Variants in FCHO2 observed in about 807,000 individuals in gnomAD.
FCHO2 encodes F-BAR domain only protein 2.
FCHO2 carries 43 observed loss-of-function variants against 114.1 expected under a neutral mutation model. The ratio of observed to expected loss-of-function variants is 0.38; its 90% CI spans 0.30 to 0.49. FCHO2 has a LOEUF of 0.49. Among genes scored for constraint, FCHO2 ranks in the 20% least tolerant of loss-of-function variants. The pLI is 0.97. For missense variants in FCHO2, 807 were observed against 950.4 expected (o/e 0.85, Z 1.98); for synonymous variants, 293 against 315.2 (o/e 0.93, Z 0.75).
intron 15 of FCHO2, 126 bp downstream of exon 15, chr5:73,054,675 G>T: frequency 1.6e-6 from 1 of 629,902 alleles, no homozygotes. Flanking sequence ...TGCGTGGCTA[G>T]AAGGATAATT....
At chr5:72,992,517 C>T (rs953834852) in intron 5 of FCHO2, among the ~76,000 whole-genome samples, 2 of 152,086 alleles carry the variant, frequency 1.3e-5, no homozygotes, top group Admixed American at 6.5e-5. Context: ...TGGGATTTGG[C>T]TCTTACGTGG....
chr5:73,010,061 G>A (rs1447198818), intron 6 of FCHO2, among the ~76,000 whole-genome samples: 1 of 152,106 alleles, frequency 6.6e-6, no homozygotes, highest in Admixed American at 6.5e-5. Context: ...ATTTGGGTTA[G>A]TTTAGAAGGG....
At chr5:73,022,000 G>A (rs1263930633) in intron 8 of FCHO2, among the ~76,000 whole-genome samples, 1 of 152,138 alleles carries the variant, frequency 6.6e-6, no homozygotes, top group Non-Finnish European at 1.5e-5. Context: ...AATGTTCAGA[G>A]GTAATGTTGA....
intron 1 of FCHO2, among the ~76,000 whole-genome samples, chr5:72,964,824 T>G (rs1261992071): frequency 6.6e-6 from 1 of 152,178 alleles, no homozygotes; most frequent in Non-Finnish European, 1.5e-5. Flanking sequence ...TTTCCACAGT[T>G]TCAGATCTGA....
chr5:72,997,662 A>G, intron 5 of FCHO2: 1 of 1,516,426 alleles, frequency 6.6e-7, no homozygotes, highest in African/African-American at 1.4e-5. Flanking sequence ...CTCCCCCTTC[A>G]CCTGAGTTGG....
At chr5:73,084,595 G>GT (rs1743232682) in intron 24 of FCHO2, among the ~76,000 whole-genome samples, 1 of 152,054 alleles carries the variant, frequency 6.6e-6, no homozygotes, top group Admixed American at 6.6e-5. Flanking sequence ...TATTTGATAG[G>GT]TTTTTTGGCT....
At chr5:73,036,334 T>C (rs1756506911) in intron 9 of FCHO2, among the ~76,000 whole-genome samples, 1 of 152,114 alleles carries the variant, frequency 6.6e-6, no homozygotes, top group African/African-American at 2.4e-5. Context: ...TATTGTAAAC[T>C]TACTTCTTTT....
intron 15 of FCHO2, among the ~76,000 whole-genome samples, chr5:73,055,862 T>C (rs374875920): frequency 1.3e-5 from 2 of 152,142 alleles, no homozygotes; most frequent in East Asian, 1.9e-4. Context: ...ACTAAAGATA[T>C]TAGAAGGAAC....
rs376488767 is a variant in FCHO2, at chr5:73,044,120, C to T, written c.939+2805C>T. The stretch of plus-strand genomic sequence containing the variant: ...GCCATGTAAGATATGCTTCCTTCCT[C>T]TTTGCCTTCCGCCATGATTGTAAGT... On this transcript the variant is annotated intron_variant, in intron 11 of 25. Transcript: ENST00000430046. 5.9e-5 allele frequency among the ~76,000 whole-genome samples: 9 copies of T among 152,208 alleles called. No homozygotes were observed. In the East Asian group the frequency reaches 7.7e-4, roughly 13 times the overall value.
intron 22 of FCHO2, 96 bp from the exon 23 acceptor site, chr5:73,081,687 G>T (rs1039807037): frequency 1.6e-5 from 14 of 864,542 alleles, no homozygotes; most frequent in Non-Finnish European, 2.1e-5. Context: ...AGATATTTTT[G>T]ATTTTGTGGA....
At chr5:72,982,246 TCTAA>T (rs1301398823) in intron 2 of FCHO2, among the ~76,000 whole-genome samples, 6 of 152,168 alleles carry the variant, frequency 3.9e-5, no homozygotes, top group Admixed American at 6.5e-5. Context: ...GCACCCACTG[TCTAA>T]CTAGCCCCAG....
intron 2 of FCHO2, among the ~76,000 whole-genome samples, chr5:72,984,563 A>G (rs570960225): frequency 3.9e-5 from 6 of 152,370 alleles, no homozygotes; most frequent in Non-Finnish European, 1.5e-5. Flanking sequence ...TTTAATCATT[A>G]TAGGACCATT....
In FCHO2 at chr5:73,058,746, A is replaced by G. The variant is rs115475325; in HGVS notation, c.1345+222A>G. 3.5e-3 allele frequency among the ~76,000 whole-genome samples: 540 copies of G among 152,204 alleles called. 5 individuals carry two copies. Among genetic ancestry groups the G allele is most frequent in the African/African-American group, 0.013 (525 of 41,560 alleles). Reference sequence around the variant, plus strand: ...ATACTAAGTGGTTTTTTAAATTGGCATGTTATTTCTAGGCATTTCATATCA... The same window carrying G: ...ATACTAAGTGGTTTTTTAAATTGGCGTGTTATTTCTAGGCATTTCATATCA... On this transcript the variant is annotated intron_variant, in intron 17 of 25. Coordinates refer to ENST00000430046, the MANE Select transcript of FCHO2 (RefSeq NM_138782.3).
rs114471952 is a variant in FCHO2, at chr5:73,047,038, C to A, written c.940-4311C>A. ...TGCTGCAATTCCTTGGCAGCCTTTT[C>A]TTTCCATTAAAATTTTTTTGAAATT... On this transcript the variant is annotated intron_variant, in intron 11 of 25. Coordinates refer to ENST00000430046, the MANE Select transcript of FCHO2 (RefSeq NM_138782.3). Among the ~76,000 whole-genome samples, 290 of 152,324 alleles carry A rather than the reference C, an allele frequency of 1.9e-3. 2 individuals carry two copies. Among genetic ancestry groups the A allele is most frequent in the African/African-American group, 6.7e-3 (279 of 41,580 alleles).
intron 19 of FCHO2, among the ~76,000 whole-genome samples, chr5:73,071,152 A>C (rs1456316249): frequency 6.6e-6 from 1 of 152,054 alleles, no homozygotes; most frequent in African/African-American, 2.4e-5. Flanking sequence ...CAACTTGCTG[A>C]ATAGGATCCA....
chr5:72,989,297 T>C, intron 2 of FCHO2, 130 bp from the exon 3 acceptor site: 2 of 657,758 alleles, frequency 3.0e-6, no homozygotes, highest in South Asian at 4.1e-5. Flanking sequence ...TGACTACATA[T>C]ATGTACTTAT....
At position 73,078,859 on chromosome 5, in the gene FCHO2, C is replaced by T. The variant is rs185889987; in HGVS notation, c.1980+547C>T. 3.3e-4 allele frequency among the ~76,000 whole-genome samples: 50 copies of T among 152,132 alleles called. No individual in the cohort carries two copies. The East Asian group carries it at 9.5e-3, about 29-fold the overall frequency. On this transcript the variant is annotated intron_variant, in intron 22 of 25. Coordinates refer to ENST00000430046, the MANE Select transcript of FCHO2 (RefSeq NM_138782.3). ...TACCAAAATTAATAACTTTCAAAAC[C>T]AATTACAAAAACTAGTGGAGAAAAA...
rs753584558 is a variant in FCHO2, at chr5:73,063,836, A to G, written c.1346-5A>G. The G allele has an allele frequency of 6.2e-7, 1 of 1,610,320 alleles. No individual in the cohort carries two copies. The highest frequency in any genetic ancestry group is 1.1e-5 in the South Asian group (1 of 90,438). ...TCTTCAAATTCTCTTTTCCCCCTCA[A>G]CCAGCCAGGCCCACAACTCCTCTTT... On this transcript the variant is annotated splice_region_variant and splice_polypyrimidine_tract_variant and intron_variant, in intron 17 of 25. Transcript: ENST00000430046.
chr5:73,021,955 G>C (rs549491843), intron 8 of FCHO2, among the ~76,000 whole-genome samples: 162 of 152,272 alleles, frequency 1.1e-3, no homozygotes, highest in Admixed American at 3.3e-3. Context: ...ACTTTTTGAA[G>C]TATGTACTAT....
Sources: gnomAD v4.1 joint callset for allele counts (sites outside exome capture counted in the v4.1 genomes callset) on GRCh38, gnomAD v4.1.1 for gene constraint, MANE v1.5 for transcripts, NCBI Gene and HGNC (gene_info 2026-07-23, HGNC 2026-07-21) for gene names.